Variants in C4orf50 observed in about 807,000 individuals in gnomAD.
The protein encoded by C4orf50 is uncharacterized protein C4orf50.
In C4orf50, 80 loss-of-function variants were observed where a neutral mutation model predicts 77.2. The observed-to-expected ratio is 1.04, with a 90% CI of 0.87 to 1.25. The LOEUF is 1.25. Ranked by LOEUF, C4orf50 falls within the 50% of genes most tolerant of loss-of-function variation. The pLI, the probability that C4orf50 is intolerant of heterozygous loss-of-function variation, is 0.00. For missense variants in C4orf50, 1,257 were observed against 1,152.9 expected (o/e 1.09, Z -1.31); for synonymous variants, 532 against 465.3 (o/e 1.14, Z -1.84).
rs111292003 is a variant in C4orf50, at chr4:5,919,022, G to T, written c.*2475-20834C>A. Among the ~76,000 whole-genome samples, 1,276 of 152,288 alleles carry T rather than the reference G, an allele frequency of 8.4e-3. 20 individuals are homozygous for T. The highest frequency in any genetic ancestry group is 0.028 in the African/African-American group (1,169 of 41,558). On this transcript the variant is annotated intron_variant, in intron 7 of 7. Transcript: ENST00000324058. This position sits in a 1 kb window ranked among gnomAD's most constrained non-coding sequence, Gnocchi z 6.5. ...AAACTGAGACCCGGAGGAGTCAAAG[G>T]GCTTGCCCAAGTCTCGGTGCTTCTC...
intron 7 of C4orf50, among the ~76,000 whole-genome samples, chr4:5,924,660 C>T (rs1201748211): frequency 2.0e-5 from 3 of 152,164 alleles, no homozygotes; most frequent in South Asian, 2.1e-4. Context: ...AGTGGCTGGC[C>T]GCCTCTCTCG....
intron 7 of C4orf50, among the ~76,000 whole-genome samples, chr4:5,948,758 C>T (rs1232274268): frequency 6.7e-6 from 1 of 149,760 alleles, no homozygotes; most frequent in Admixed American, 6.6e-5. Flanking sequence ...TGTGCCACTG[C>T]ACTCCAGCCT....
At chr4:5,917,182 G>A (rs770262770) in intron 7 of C4orf50, among the ~76,000 whole-genome samples, 4 of 152,174 alleles carry the variant, frequency 2.6e-5, no homozygotes, top group Non-Finnish European at 5.9e-5. Context: ...AAGAGTCATT[G>A]AGTAACTTGT....
At chr4:5,960,594 C>A (rs1376815323) in intron 33 of C4orf50, among the ~76,000 whole-genome samples, 2 of 152,212 alleles carry the variant, frequency 1.3e-5, no homozygotes, top group Non-Finnish European at 2.9e-5. Flanking sequence ...GCCCTCAGAG[C>A]ACTTCCAATC....
At chr4:5,924,986 C>G (rs961298561) in intron 7 of C4orf50, among the ~76,000 whole-genome samples, 13 of 151,762 alleles carry the variant, frequency 8.6e-5, no homozygotes, top group African/African-American at 3.1e-4. Flanking sequence ...TGGGAATTCC[C>G]TGGCCAGGAA....
chr4:5,916,972 A>G lies in C4orf50; in HGVS notation c.*2475-18784T>C. ...GAAATCCAGAGCTGGCTTTCCCTAG[A>G]AGTTGGAAGTTTCCCTGGTTCGACA... On this transcript the variant is annotated intron_variant, in intron 7 of 7. Transcript: ENST00000324058. The surrounding 1 kb of genome is among the most constrained non-coding windows in gnomAD (Gnocchi z 4.4). Among the ~76,000 whole-genome samples the G allele has an allele frequency of 6.6e-6, 1 of 152,138 alleles. No individual in the cohort carries two copies. Among genetic ancestry groups the G allele is most frequent in the East Asian group, 1.9e-4 (1 of 5,192 alleles).
At chr4:5,921,101 G>C (rs977083779) in intron 7 of C4orf50, among the ~76,000 whole-genome samples, 1 of 152,236 alleles carries the variant, frequency 6.6e-6, no homozygotes, top group Non-Finnish European at 1.5e-5. Flanking sequence ...GGAAGAGCCA[G>C]GCAATGTCCC....
In C4orf50 at chr4:6,008,163, C is replaced by T; in HGVS notation, c.796G>A (p.Ala266Thr). The T allele has an allele frequency of 2.5e-6, 1 of 398,796 alleles. No homozygotes were observed. Among genetic ancestry groups the T allele is most frequent in the Non-Finnish European group, 4.4e-6 (1 of 225,972 alleles). 24.7% of individuals were successfully genotyped at this position (398,796 alleles called of 1,614,324 possible). ...TGCCCGCGGAGCTGGCGCTCGGTGG[C>T]CCGGTGCTCCTGCAGGCTGCGCGCC... Residue 266 changes from alanine (A) to threonine (T), a missense_variant, in exon 25 of 34, where the codon GCC becomes ACC. Transcript: ENST00000531445. This position sits in a 1 kb window ranked among gnomAD's most constrained non-coding sequence, Gnocchi z 6.0.
At position 5,908,961 on chromosome 4, in the gene C4orf50, A is replaced by G. The variant is rs143013246; in HGVS notation, c.*2475-10773T>C. ...AATGGCCATTGTCCCAGCCCAGTCCATGACTGCCTCTTAGCTGGACCACAG... is the reference window on the plus strand; with the variant it reads ...AATGGCCATTGTCCCAGCCCAGTCCGTGACTGCCTCTTAGCTGGACCACAG... On this transcript the variant is annotated intron_variant, in intron 7 of 7. Transcript: ENST00000324058. The surrounding 1 kb of genome is among the most constrained non-coding windows in gnomAD (Gnocchi z 5.6). 1.3e-5 allele frequency among the ~76,000 whole-genome samples: 2 copies of G among 152,178 alleles called. No individual in the cohort carries two copies. The highest frequency in any genetic ancestry group is 2.4e-5 in the African/African-American group (1 of 41,444).
At position 6,011,394 on chromosome 4, in the gene C4orf50, TG is replaced by T; in HGVS notation, c.426+435del. On this transcript the variant is annotated intron_variant, in intron 24 of 33. Transcript: ENST00000531445. This position sits in a 1 kb window ranked among gnomAD's most constrained non-coding sequence, Gnocchi z 4.2. ...CCTTCCCAACAAGGCCCAGCTCACA[TG>T]GCCTCAGCTCTCTGTAGCTCTCCTC... is the stretch of plus-strand genomic sequence containing the variant. Among the ~76,000 whole-genome samples the T allele has an allele frequency of 6.6e-6, 1 of 152,088 alleles. No individual in the cohort carries two copies. Among genetic ancestry groups the T allele is most frequent in the Middle Eastern group, 3.2e-3 (1 of 316 alleles).
At chr4:5,923,613 G>A (rs944504912) in intron 7 of C4orf50, among the ~76,000 whole-genome samples, 3 of 152,162 alleles carry the variant, frequency 2.0e-5, no homozygotes, top group Admixed American at 6.5e-5. Flanking sequence ...AGGCTGGCCT[G>A]GTGCCAGGCA....
chr4:5,942,280 G>T (rs964975049), intron 7 of C4orf50, among the ~76,000 whole-genome samples: 1 of 152,202 alleles, frequency 6.6e-6, no homozygotes, highest in Non-Finnish European at 1.5e-5. Context: ...CTAAGATCAG[G>T]AGCAGGGTGG....
intron 7 of C4orf50, among the ~76,000 whole-genome samples, chr4:5,948,110 T>C (rs1718559566): frequency 6.6e-6 from 1 of 152,192 alleles, no homozygotes; most frequent in Admixed American, 6.5e-5. Flanking sequence ...GACACTTCTC[T>C]CTGTGACCCC....
At position 5,988,510 on chromosome 4, in the gene C4orf50, G is replaced by GGA. The variant is rs1560584853; in HGVS notation, c.3534_3535dup (p.Pro1179LeufsTer13). 1.3e-6 allele frequency: 2 copies of GGA among 1,539,922 alleles called. No homozygotes were observed. Among genetic ancestry groups the GGA allele is most frequent in the South Asian group, 2.4e-5 (2 of 84,186 alleles). Reference sequence around the variant, plus strand: ...GTTTCTCCAGACCAGCGATGGAGGGGGAGAATCAGCACCGCGTCTGGAATT... The same window carrying GGA: ...GTTTCTCCAGACCAGCGATGGAGGGGGAGAGAATCAGCACCGCGTCTGGAATT... On this transcript the variant is annotated frameshift_variant, in exon 28 of 34. Transcript: ENST00000531445. LOFTEE classifies it high-confidence loss of function.
exon 34 of C4orf50, chr4:5,959,464 C>G (rs1237182818): frequency 6.2e-7 from 1 of 1,614,208 alleles, no homozygotes; most frequent in Non-Finnish European, 8.5e-7. Flanking sequence ...AGGATCCTTG[C>G]TGGGCTCAGG....
At chr4:5,957,614 A>G (rs2108760677) in exon 34 of C4orf50, 1 of 152,390 alleles carries the variant, frequency 6.6e-6, no homozygotes, top group African/African-American at 2.4e-5. Flanking sequence ...GGTGGACAGC[A>G]TCATCTTCAC....
chr4:5,923,327 G>C (rs28645567), intron 7 of C4orf50: 1 of 154,256 alleles, frequency 6.5e-6, no homozygotes, highest in Non-Finnish European at 1.5e-5. Context: ...GACAGAAACA[G>C]TGATGGCAAT....
At chr4:5,961,360 A>G (rs1300254921) in intron 33 of C4orf50, among the ~76,000 whole-genome samples, 1 of 152,270 alleles carries the variant, frequency 6.6e-6, no homozygotes, top group Non-Finnish European at 1.5e-5. Context: ...TTTAAGCCAT[A>G]TGAAATTACT....
At chr4:6,004,066 GTGATGGTGATGATGTGATAGTGA>G (rs1722036423) in intron 25 of C4orf50, among the ~76,000 whole-genome samples, 55 of 54,512 alleles carry the variant, frequency 1.0e-3, no homozygotes, top group South Asian at 2.7e-3. Flanking sequence ...GGTGATGATG[GTGATGGTGATGATGTGATAGTGA>G]TGATGGTGAT....
Sources: gnomAD v4.1 joint callset for allele counts (sites outside exome capture counted in the v4.1 genomes callset) on GRCh38, gnomAD v4.1.1 for gene constraint, Gnocchi (gnomAD v3.1) non-coding constraint, MANE v1.5 for transcripts, NCBI Gene and HGNC (gene_info 2026-07-23, HGNC 2026-07-21) for gene names.